Variants in SSUH2 observed in about 807,000 individuals in gnomAD.
SSUH2 encodes ssu-2 homolog, also known as protein SSUH2 homolog.
SSUH2 carries 47 observed loss-of-function variants against 55.3 expected under a neutral mutation model. The observed-to-expected ratio is 0.85, with a 90% CI of 0.67 to 1.08. The LOEUF is 1.08. Ranked by LOEUF, SSUH2 falls within the 50% of genes least tolerant of loss-of-function variation. SSUH2 has a pLI of 0.00. For synonymous variants in SSUH2, 212 were observed against 191.5 expected (o/e 1.11, Z -0.89); for missense variants, 535 against 490.7 (o/e 1.09, Z -0.85).
intron 4 of SSUH2, 90 bp downstream of exon 4, chr3:8,633,576 G>T: frequency 9.0e-7 from 1 of 1,115,428 alleles, no homozygotes; most frequent in Non-Finnish European, 1.2e-6. Flanking sequence ...CTTTCCCCTG[G>T]CCACATCACA....
chr3:8,630,042 C>T (rs1309273465), intron 6 of SSUH2, among the ~76,000 whole-genome samples: 1 of 152,150 alleles, frequency 6.6e-6, no homozygotes, highest in East Asian at 1.9e-4. Flanking sequence ...GGCATTTGCC[C>T]ATAAGGTAGC....
chr3:8,639,485 T>A (rs982117679), intron 1 of SSUH2, among the ~76,000 whole-genome samples: 1 of 152,204 alleles, frequency 6.6e-6, no homozygotes, highest in Admixed American at 6.5e-5. Context: ...ACCTTTCTAC[T>A]TAGCTGAACA....
intron 5 of SSUH2, chr3:8,663,954 A>T (rs1703739809): frequency 5.0e-6 from 2 of 399,650 alleles, no homozygotes; most frequent in African/African-American, 2.1e-5. Context: ...ACAGTGAGGG[A>T]TTCTTTGGCT....
rs917251182 is a variant in SSUH2, at chr3:8,623,552, C to G, written c.978G>C (p.Gln326His). The change falls in exon 11 of 12, where the codon CAG becomes CAC. Residue 326 changes from glutamine to histidine, a missense_variant. By Grantham distance (24) the Gln-to-His change is conservative (BLOSUM62 0). Transcript: ENST00000544814. The stretch of plus-strand genomic sequence containing the variant: ...TGGCCCCTCCGCCCTGGCTCACCTG[C>G]TGCAGGACGCGGGCACGGGAGGCCA... ...AALASRARVL[Q>H]QRQTIELIPL... 6.5e-7 allele frequency: 1 copy of G among 1,546,272 alleles called. No individual in the cohort carries two copies. Among genetic ancestry groups the G allele is most frequent in the African/African-American group, 1.4e-5 (1 of 73,086 alleles).
At chr3:8,661,569 G>A (rs1440107276) in intron 6 of SSUH2, among the ~76,000 whole-genome samples, 1 of 152,220 alleles carries the variant, frequency 6.6e-6, no homozygotes, top group African/African-American at 2.4e-5. Context: ...GATGCTGACA[G>A]GAGGCGTGAG....
chr3:8,660,554 A>G (rs1293807818), intron 6 of SSUH2, among the ~76,000 whole-genome samples: 1 of 152,224 alleles, frequency 6.6e-6, no homozygotes. Flanking sequence ...CTGCCAGAGC[A>G]AGATTGAAGG....
At chr3:8,640,370 A>T (rs147091941) in intron 1 of SSUH2, among the ~76,000 whole-genome samples, 2 of 152,346 alleles carry the variant, frequency 1.3e-5, no homozygotes, top group Non-Finnish European at 2.9e-5. Flanking sequence ...TCCTAGCAAG[A>T]CCAGAAAACC....
chr3:8,656,194 G>A (rs1178726664), intron 7 of SSUH2, among the ~76,000 whole-genome samples: 1 of 152,200 alleles, frequency 6.6e-6, no homozygotes, highest in Non-Finnish European at 1.5e-5. Flanking sequence ...GTTTAGGTTT[G>A]AAATTGAGAA....
intron 7 of SSUH2, among the ~76,000 whole-genome samples, chr3:8,650,308 C>G (rs1411174649): frequency 2.6e-5 from 4 of 152,198 alleles, no homozygotes; most frequent in African/African-American, 9.6e-5. Context: ...CTGTCATAAT[C>G]TGGATGTAGG....
At chr3:8,655,007 C>CG (rs1264184889) in intron 7 of SSUH2, among the ~76,000 whole-genome samples, 2 of 414 alleles carry the variant, frequency 4.8e-3, no homozygotes, top group African/African-American at 0.038. Flanking sequence ...CCTCATCCCC[C>CG]AGTCTCAGTG....
intron 9 of SSUH2, 92 bp from the exon 10 acceptor site, chr3:8,625,739 T>G: frequency 1.2e-6 from 1 of 843,090 alleles, no homozygotes; most frequent in Non-Finnish European, 2.0e-6. Context: ...GTTGAGGGCT[T>G]GAATTGCTAC....
chr3:8,621,612 C>A (rs1457323526), intron 11 of SSUH2, among the ~76,000 whole-genome samples: 1 of 152,140 alleles, frequency 6.6e-6, no homozygotes, highest in Admixed American at 6.5e-5. Context: ...GTTCTCTAGA[C>A]CTCAGTTTCC....
At chr3:8,643,543 T>G (rs1261400332) in intron 1 of SSUH2, among the ~76,000 whole-genome samples, 1 of 152,234 alleles carries the variant, frequency 6.6e-6, no homozygotes, top group Non-Finnish European at 1.5e-5. Flanking sequence ...AGTCTTTCAC[T>G]TCAATATGAA....
intron 5 of SSUH2, among the ~76,000 whole-genome samples, chr3:8,631,692 G>A (rs1274579165): frequency 2.0e-5 from 3 of 152,166 alleles, no homozygotes; most frequent in Non-Finnish European, 4.4e-5. Flanking sequence ...GGGGAGCACA[G>A]GGGCCTAGAA....
Position 8,654,034 on chromosome 3 carries a change from G to A in SSUH2, c.-307+4891C>T, listed in dbSNP as rs112458509. The stretch of plus-strand genomic sequence containing the variant: ...CAGGCTGCCATGACAACAGACTGGT[G>A]GCTTAAATGACAGAAATGTATTTTC... On this transcript the variant is annotated intron_variant, in intron 7 of 18. Coordinates refer to the SSUH2 transcript ENST00000317371. 2.7e-3 allele frequency among the ~76,000 whole-genome samples: 418 copies of A among 152,310 alleles called. 3 individuals are homozygous for A. The highest frequency in any genetic ancestry group is 9.8e-3 in the African/African-American group (409 of 41,558).
In SSUH2 at chr3:8,644,789, C is replaced by G; in HGVS notation, c.-31G>C. The G allele has an allele frequency of 1.3e-6, 2 of 1,535,106 alleles. No individual in the cohort carries two copies. Among genetic ancestry groups the G allele is most frequent in the Non-Finnish European group, 1.7e-6 (2 of 1,145,986 alleles). On this transcript the variant is annotated 5_prime_UTR_variant, in exon 1 of 12. Coordinates refer to ENST00000544814, the MANE Select transcript of SSUH2 (RefSeq NM_001256748.3). Reference sequence around the variant, plus strand: ...AGACGTCCTGCCAAAGAGATGTCTGCCCTTCGAGTGTGCTTGGACCGATGT... The same window carrying G: ...AGACGTCCTGCCAAAGAGATGTCTGGCCTTCGAGTGTGCTTGGACCGATGT...
At chr3:8,639,123 C>T (rs1700410481) in intron 1 of SSUH2, among the ~76,000 whole-genome samples, 1 of 152,208 alleles carries the variant, frequency 6.6e-6, no homozygotes, top group Admixed American at 6.5e-5. Flanking sequence ...GTTTCCTGTA[C>T]AGATCTTGAC....
intron 4 of SSUH2, among the ~76,000 whole-genome samples, chr3:8,633,390 C>A (rs1025548025): frequency 6.6e-6 from 1 of 151,876 alleles, no homozygotes; most frequent in Non-Finnish European, 1.5e-5. Flanking sequence ...GTGATCCTGA[C>A]CTCAGGTGAT....
intron 3 of SSUH2, among the ~76,000 whole-genome samples, chr3:8,676,207 T>C (rs1327877044): frequency 3.3e-5 from 5 of 151,912 alleles, no homozygotes; most frequent in Non-Finnish European, 7.4e-5. Context: ...CAGACGGGTG[T>C]ACACACTCGG....
Sources: gnomAD v4.1 joint callset for allele counts (sites outside exome capture counted in the v4.1 genomes callset) on GRCh38, gnomAD v4.1.1 for gene constraint, MANE v1.5 for transcripts, NCBI Gene and HGNC (gene_info 2026-07-23, HGNC 2026-07-21) for gene names.